Variants in FER1L6 observed in about 807,000 individuals in gnomAD.
The protein encoded by FER1L6 is fer-1-like protein 6.
In FER1L6, 177 loss-of-function variants were observed where a neutral mutation model predicts 219.2. The observed-to-expected ratio is 0.81, with a 90% CI of 0.71 to 0.91. The LOEUF is 0.91. FER1L6 is among the 40% of genes least tolerant of loss of function. The pLI, the probability that FER1L6 is intolerant of heterozygous loss-of-function variation, is 0.00. For missense variants in FER1L6, 2,153 were observed against 2,259.9 expected, an observed-to-expected ratio of 0.95 and a Z score of 0.96; for synonymous variants, 768 against 824.3, an observed-to-expected ratio of 0.93 and a Z score of 1.17.
At chr8:124,084,136 T>C (rs1167618043) in intron 33 of FER1L6, among the ~76,000 whole-genome samples, 1 of 152,084 alleles carries the variant, frequency 6.6e-6, no homozygotes, top group Non-Finnish European at 1.5e-5. Flanking sequence ...TTACTGAATT[T>C]ATCAGTTCTA....
chr8:123,900,245 A>G (rs910517648), intron 1 of FER1L6, among the ~76,000 whole-genome samples: 3 of 151,590 alleles, frequency 2.0e-5, no homozygotes, highest in African/African-American at 2.4e-5. Context: ...GTATATATAT[A>G]TATTTGCAGC....
At chr8:124,034,028 G>A (rs907375057) in intron 18 of FER1L6, among the ~76,000 whole-genome samples, 36 of 152,122 alleles carry the variant, frequency 2.4e-4, no homozygotes, top group Non-Finnish European at 5.0e-4. Flanking sequence ...CAATAGAAAG[G>A]CAAACAGCCA....
chr8:123,900,300 C>T (rs189153304), intron 1 of FER1L6, among the ~76,000 whole-genome samples: 24 of 151,938 alleles, frequency 1.6e-4, no homozygotes, highest in African/African-American at 3.4e-4. Context: ...TCTGCTTGGT[C>T]GCTGTTGGTG....
intron 1 of FER1L6, among the ~76,000 whole-genome samples, chr8:123,914,058 G>A (rs1041152157): frequency 6.6e-6 from 1 of 152,148 alleles, no homozygotes; most frequent in South Asian, 2.1e-4. Context: ...TAAAATGGTA[G>A]CCACTAGCTA....
chr8:123,888,519 T>C (rs1388813080), intron 1 of FER1L6, among the ~76,000 whole-genome samples: 2 of 152,228 alleles, frequency 1.3e-5, no homozygotes, highest in African/African-American at 4.8e-5. Flanking sequence ...CAGGCATTTA[T>C]GCTGCTATTC....
chr8:124,013,331 A>C (rs970574266), intron 14 of FER1L6, 100 bp from the exon 15 acceptor site: 2 of 666,428 alleles, frequency 3.0e-6, no homozygotes, highest in Middle Eastern at 2.7e-4. Context: ...GCCAAAACAA[A>C]AAAAAAATAG....
intron 11 of FER1L6, among the ~76,000 whole-genome samples, chr8:123,981,601 G>C (rs1393751634): frequency 6.6e-6 from 1 of 152,086 alleles, no homozygotes; most frequent in African/African-American, 2.4e-5. Context: ...ATTTCTAGGA[G>C]AGACTGGAGA....
At chr8:124,010,250 G>A (rs1477166423) in intron 13 of FER1L6, among the ~76,000 whole-genome samples, 2 of 151,852 alleles carry the variant, frequency 1.3e-5, no homozygotes, top group South Asian at 2.1e-4. Flanking sequence ...GCTGCAGACC[G>A]AGGCAGCAAA....
chr8:124,074,803 T>C (rs997357242), intron 31 of FER1L6, among the ~76,000 whole-genome samples: 1 of 152,222 alleles, frequency 6.6e-6, no homozygotes, highest in South Asian at 2.1e-4. Context: ...TCCTACACGA[T>C]AGTATAGCCT....
intron 39 of FER1L6, among the ~76,000 whole-genome samples, chr8:124,115,521 C>T (rs1018084002): frequency 6.6e-6 from 1 of 152,110 alleles, no homozygotes; most frequent in African/African-American, 2.4e-5. Flanking sequence ...ATATTCTCTG[C>T]CTCCTTTTTC....
At chr8:123,904,224 T>TTGTGTGTGTGTGTGTGTGTGTGTG (rs56224402) in intron 1 of FER1L6, among the ~76,000 whole-genome samples, 13 of 139,486 alleles carry the variant, frequency 9.3e-5, no homozygotes, top group African/African-American at 3.0e-4. Context: ...CTCTGTATAT[T>TTGTGTGTGTGTGTGTGTGTGTGTG]TGTGTGTGTG....
At chr8:123,999,514 T>G (rs1817308923) in intron 12 of FER1L6, among the ~76,000 whole-genome samples, 1 of 152,048 alleles carries the variant, frequency 6.6e-6, no homozygotes, top group African/African-American at 2.4e-5. Context: ...GTGTCAGAAA[T>G]TAGCCAGGTG....
chr8:124,000,534 C>G (rs983213141), intron 12 of FER1L6, among the ~76,000 whole-genome samples: 3 of 152,154 alleles, frequency 2.0e-5, no homozygotes, highest in Non-Finnish European at 4.4e-5. Context: ...TACTTGGATT[C>G]CTAATCCTGG....
At chr8:123,987,906 TCG>T (rs1816670779) in intron 12 of FER1L6, among the ~76,000 whole-genome samples, 1 of 152,060 alleles carries the variant, frequency 6.6e-6, no homozygotes, top group Non-Finnish European at 1.5e-5. Flanking sequence ...GGTCAGGAGT[TCG>T]AGACCATGGT....
chr8:123,929,300 G>A (rs1054988066), intron 1 of FER1L6, among the ~76,000 whole-genome samples: 1 of 152,314 alleles, frequency 6.6e-6, no homozygotes, highest in South Asian at 2.1e-4. Flanking sequence ...GAGTTTCAAA[G>A]TGTTTTCACA....
intron 22 of FER1L6, among the ~76,000 whole-genome samples, chr8:124,053,761 G>A (rs1307161194): frequency 6.6e-6 from 1 of 152,182 alleles, no homozygotes; most frequent in African/African-American, 2.4e-5. Flanking sequence ...AGGAGGTGGA[G>A]GCGGGAGGAT....
Position 123,853,701 on chromosome 8 carries a change from A to G in FER1L6, c.-8+1516A>G, listed in dbSNP as rs918409829. ...TATCCAAGTTGCACGTATGCAGGTG[A>G]CATGCTCATGGCTATGATGAAGACC... On this transcript the variant is annotated intron_variant, in intron 1 of 40. Transcript: ENST00000522917. This position sits in a 1 kb window ranked among gnomAD's most constrained non-coding sequence, Gnocchi z 6.6. Among the ~76,000 whole-genome samples, 7 of 152,218 alleles carry G rather than the reference A, an allele frequency of 4.6e-5. No homozygotes were observed. The highest frequency in any genetic ancestry group is 1.7e-4 in the African/African-American group (7 of 41,474).
chr8:123,909,610 A>G (rs1429324907), intron 1 of FER1L6, among the ~76,000 whole-genome samples: 7 of 152,174 alleles, frequency 4.6e-5, no homozygotes, highest in Non-Finnish European at 4.4e-5. Context: ...TGAGGGGAAA[A>G]AGGTTGCTTT....
At chr8:124,008,313 C>T (rs532772114) in intron 13 of FER1L6, among the ~76,000 whole-genome samples, 3 of 152,286 alleles carry the variant, frequency 2.0e-5, no homozygotes, top group African/African-American at 2.4e-5. Context: ...ATCATATATA[C>T]GCACACACAC....
Sources: allele counts gnomAD v4.1 joint callset (sites outside exome capture counted in the v4.1 genomes callset), GRCh38; gene constraint gnomAD v4.1.1; non-coding constraint Gnocchi (gnomAD v3.1); transcripts MANE v1.5; gene names NCBI Gene and HGNC (gene_info 2026-07-23, HGNC 2026-07-21).